TGFB2: variants seen among roughly 807,000 people sequenced by gnomAD.
TGFB2 encodes transforming growth factor beta 2.
In TGFB2, 13 loss-of-function variants were observed where a neutral mutation model predicts 42.7. The observed-to-expected ratio is 0.30, with a 90% CI of 0.20 to 0.48. The LOEUF is 0.48. Among genes scored for constraint, TGFB2 ranks in the 20% least tolerant of loss-of-function variants. The pLI is 0.99. For synonymous variants in TGFB2, 193 were observed against 193.6 expected (o/e 1.00, Z 0.03); for missense variants, 390 against 517.5 (o/e 0.75, Z 2.39).
chr1:218,438,139 T>G (rs994269523), intron 6 of TGFB2, among the ~76,000 whole-genome samples: 12 of 152,214 alleles, frequency 7.9e-5, no homozygotes, highest in African/African-American at 2.7e-4. Context: ...CTTACCCTGT[T>G]CCCAGCCTCT....
chr1:218,434,170 C>G lies in TGFB2; in HGVS notation c.599C>G (p.Ser200Cys). 1 of 1,614,194 alleles carries G rather than the reference C, an allele frequency of 6.2e-7. No individual in the cohort carries two copies. The highest frequency in any genetic ancestry group is 1.1e-5 in the South Asian group (1 of 91,086). The change falls in exon 3 of 7, where the codon TCC becomes TGC. Residue 200 changes from serine to cysteine, a missense_variant. Coordinates refer to ENST00000366930, the MANE Select transcript of TGFB2 (RefSeq NM_003238.6). ...VKTRAEGEWL[S>C]FDVTDAVHEW... Reference sequence around the variant, plus strand: ...ACAAGAGCAGAAGGCGAATGGCTCTCCTTCGATGTAACTGATGCTGTTCAT... The same window carrying G: ...ACAAGAGCAGAAGGCGAATGGCTCTGCTTCGATGTAACTGATGCTGTTCAT...
At chr1:218,432,359 A>G (rs1388617567) in intron 2 of TGFB2, among the ~76,000 whole-genome samples, 1 of 152,178 alleles carries the variant, frequency 6.6e-6, no homozygotes, top group African/African-American at 2.4e-5. Flanking sequence ...TTGCCTCCAC[A>G]TTCTCTTCTT....
chr1:218,359,948 G>T (rs1657157922), intron 1 of TGFB2, among the ~76,000 whole-genome samples: 1 of 152,182 alleles, frequency 6.6e-6, no homozygotes, highest in African/African-American at 2.4e-5. Context: ...TAGCCCTTAT[G>T]AGGGAATAAT....
At chr1:218,374,411 C>T (rs973836121) in intron 1 of TGFB2, among the ~76,000 whole-genome samples, 1 of 152,184 alleles carries the variant, frequency 6.6e-6, no homozygotes, top group East Asian at 1.9e-4. Context: ...TAGCACCCCA[C>T]GTATTGCTAA....
At chr1:218,368,808 C>T (rs942847302) in intron 1 of TGFB2, among the ~76,000 whole-genome samples, 16 of 152,198 alleles carry the variant, frequency 1.1e-4, no homozygotes, top group Admixed American at 1.0e-3. Flanking sequence ...GTGACATGTT[C>T]AAGGATTGTC....
rs150680778 is a variant in TGFB2 at position 218,384,401 on chromosome 1, A to G, written c.347-20768A>G. On this transcript the variant is annotated intron_variant, in intron 1 of 6. Coordinates refer to ENST00000366930, the MANE Select transcript of TGFB2 (RefSeq NM_003238.6). ...ACTATTATGTGTTATAAGACAGATT[A>G]TGTATAATAAGAGGCTATCTTACCT... 7.2e-5 allele frequency among the ~76,000 whole-genome samples: 11 copies of G among 152,368 alleles called. No individual in the cohort carries two copies. The East Asian group carries it at 2.1e-3, about 29-fold the overall frequency.
chr1:218,398,383 A>G (rs1658594868), intron 1 of TGFB2, among the ~76,000 whole-genome samples: 1 of 152,222 alleles, frequency 6.6e-6, no homozygotes, highest in East Asian at 1.9e-4. Flanking sequence ...GGGAATAAAC[A>G]ATAGATAGAT....
chr1:218,392,455 T>C (rs1283845784), intron 1 of TGFB2, among the ~76,000 whole-genome samples: 4 of 152,188 alleles, frequency 2.6e-5, no homozygotes, highest in Admixed American at 6.5e-5. Context: ...GACCCACTTA[T>C]GTGGTGTAGC....
intron 1 of TGFB2, among the ~76,000 whole-genome samples, chr1:218,400,940 G>A (rs879158587): frequency 6.6e-6 from 1 of 152,252 alleles, no homozygotes; most frequent in South Asian, 2.1e-4. Context: ...CAGGAGGTGG[G>A]ATGGCACAGG....
chr1:218,430,479 C>T (rs1347034451), intron 2 of TGFB2, among the ~76,000 whole-genome samples: 3 of 152,054 alleles, frequency 2.0e-5, no homozygotes, highest in African/African-American at 7.2e-5. Flanking sequence ...TCCACAACTA[C>T]TAACATTCAA....
chr1:218,375,132 G>A (rs569838256), intron 1 of TGFB2, among the ~76,000 whole-genome samples: 2 of 152,254 alleles, frequency 1.3e-5, no homozygotes, highest in Admixed American at 6.5e-5. Flanking sequence ...CTAGACAGAC[G>A]AGTTCATATA....
At chr1:218,391,175 G>A (rs374520565) in intron 1 of TGFB2, among the ~76,000 whole-genome samples, 23 of 152,312 alleles carry the variant, frequency 1.5e-4, no homozygotes, top group South Asian at 1.2e-3. Context: ...TCTGGGCTAA[G>A]GTGGGTTCCA....
At chr1:218,383,512 C>T (rs909102064) in intron 1 of TGFB2, among the ~76,000 whole-genome samples, 1 of 152,098 alleles carries the variant, frequency 6.6e-6, no homozygotes, top group Non-Finnish European at 1.5e-5. Context: ...AAAGCAGGTG[C>T]ATGAGAAGTG....
chr1:218,391,864 G>A (rs1342388024), intron 1 of TGFB2, among the ~76,000 whole-genome samples: 1 of 152,212 alleles, frequency 6.6e-6, no homozygotes. Flanking sequence ...TAAGGAAGGG[G>A]ATAGATAGTT....
chr1:218,398,332 C>T (rs1234572809), intron 1 of TGFB2, among the ~76,000 whole-genome samples: 1 of 152,216 alleles, frequency 6.6e-6, no homozygotes. Context: ...AACATTCACG[C>T]ACTTTCTTCC....
intron 2 of TGFB2, among the ~76,000 whole-genome samples, chr1:218,431,276 G>A (rs970144623): frequency 5.3e-5 from 8 of 152,104 alleles, no homozygotes; most frequent in Non-Finnish European, 7.3e-5. Context: ...AGCTCTTATC[G>A]TAGTTCTCCT....
At chr1:218,357,065 A>G (rs1657057899) in intron 1 of TGFB2, among the ~76,000 whole-genome samples, 1 of 151,410 alleles carries the variant, frequency 6.6e-6, no homozygotes, top group Non-Finnish European at 1.5e-5. Flanking sequence ...TACAAAAATT[A>G]GCCGGGCATG....
In TGFB2 at chr1:218,408,454, C is replaced by T. The variant is rs577543344; in HGVS notation, c.510+3122C>T. Among the ~76,000 whole-genome samples, 16 of 152,206 alleles carry T rather than the reference C, an allele frequency of 1.1e-4. No homozygotes were observed. In the South Asian group the frequency reaches 2.9e-3, roughly 28 times the overall value. On this transcript the variant is annotated intron_variant, in intron 2 of 6. Coordinates refer to ENST00000366930, the MANE Select transcript of TGFB2 (RefSeq NM_003238.6). ...CTTTTAGTTTGGAGAAGCATGGGCA[C>T]GTTCACTGTCACTATACACGGGCAT...
intron 1 of TGFB2, among the ~76,000 whole-genome samples, chr1:218,348,347 A>C (rs1246596895): frequency 6.6e-6 from 1 of 152,144 alleles, no homozygotes; most frequent in Non-Finnish European, 1.5e-5. Flanking sequence ...TTTTCTCTTA[A>C]AGGTTCTAGT....
Sources: allele counts gnomAD v4.1 joint callset (sites outside exome capture counted in the v4.1 genomes callset), GRCh38; gene constraint gnomAD v4.1.1; transcripts MANE v1.5; gene names NCBI Gene and HGNC (gene_info 2026-07-23, HGNC 2026-07-21).